KCNMB2: variants seen among roughly 807,000 people sequenced by gnomAD.
The protein encoded by KCNMB2 is calcium-activated potassium channel subunit beta-2.
A neutral mutation model predicts 24.5 loss-of-function variants in KCNMB2; 9 were observed. That is an observed-to-expected ratio of 0.37 (90% CI 0.22 to 0.64). The LOEUF is 0.64. Among genes scored for constraint, KCNMB2 ranks in the 30% least tolerant of loss-of-function variants. The pLI is 0.63. For synonymous variants in KCNMB2, 109 were observed against 104.4 expected, an observed-to-expected ratio of 1.04 and a Z score of -0.27; for missense variants, 226 against 284.3, an observed-to-expected ratio of 0.79 and a Z score of 1.47.
chr3:178,767,519 C>T (rs1233533635), intron 1 of KCNMB2, among the ~76,000 whole-genome samples: 1 of 152,096 alleles, frequency 6.6e-6, no homozygotes, highest in Non-Finnish European at 1.5e-5. Context: ...TCTCTAGAGC[C>T]CACATAAATC....
At chr3:178,810,902 C>CT (rs56925343) in intron 2 of KCNMB2, among the ~76,000 whole-genome samples, 1,299 of 107,976 alleles carry the variant, frequency 0.012, 13 homozygotes, top group Non-Finnish European at 0.015. Context: ...ACCTGGCTAA[C>CT]TTTTTTTTTT....
At chr3:178,631,974 G>A (rs569640921) in intron 1 of KCNMB2, among the ~76,000 whole-genome samples, 1 of 152,278 alleles carries the variant, frequency 6.6e-6, no homozygotes, top group East Asian at 1.9e-4. Context: ...AGAAATATGG[G>A]TTATTTAATT....
At chr3:178,676,258 T>C (rs554648197) in intron 1 of KCNMB2, among the ~76,000 whole-genome samples, 1 of 152,240 alleles carries the variant, frequency 6.6e-6, no homozygotes, top group African/African-American at 2.4e-5. Context: ...CACCAGAGCA[T>C]GAGTGACAAG....
chr3:178,803,792 C>A (rs1280334120), intron 1 of KCNMB2, among the ~76,000 whole-genome samples: 1 of 152,140 alleles, frequency 6.6e-6, no homozygotes, highest in Non-Finnish European at 1.5e-5. Flanking sequence ...GTAACTCATT[C>A]ACCATGAAGG....
intron 1 of KCNMB2, among the ~76,000 whole-genome samples, chr3:178,651,250 T>C (rs1257525196): frequency 2.6e-5 from 4 of 152,156 alleles, no homozygotes; most frequent in Admixed American, 6.5e-5. Flanking sequence ...ACAAAATCAA[T>C]GTGCAAAAAT....
chr3:178,553,823 A>G (rs1374520847), intron 1 of KCNMB2, among the ~76,000 whole-genome samples: 1 of 152,130 alleles, frequency 6.6e-6, no homozygotes, highest in Non-Finnish European at 1.5e-5. Flanking sequence ...TACAGGTTTG[A>G]GCCACCGCAC....
chr3:178,762,642 G>C (rs942390893), intron 1 of KCNMB2, among the ~76,000 whole-genome samples: 3 of 152,092 alleles, frequency 2.0e-5, no homozygotes, highest in African/African-American at 7.2e-5. Flanking sequence ...ATCCAGATGA[G>C]AGAAAGGTTG....
At position 178,839,447 on chromosome 3, in the gene KCNMB2, G is replaced by T. The variant is rs182099382; in HGVS notation, c.424-3206G>T. The stretch of plus-strand genomic sequence containing the variant: ...AAAGCCAGGTGGGGGTTGAGGGAAG[G>T]GCAAGGAAGGAGGAGATACAAAAGA... On this transcript the variant is annotated intron_variant, in intron 4 of 4. Transcript: ENST00000452583. Among the ~76,000 whole-genome samples, 9 of 152,194 alleles carry T rather than the reference G, an allele frequency of 5.9e-5. No individual in the cohort carries two copies. In the East Asian group the frequency reaches 1.7e-3, roughly 29 times the overall value.
intron 1 of KCNMB2, among the ~76,000 whole-genome samples, chr3:178,737,926 T>C (rs961994941): frequency 2.0e-5 from 3 of 152,184 alleles, no homozygotes; most frequent in African/African-American, 7.2e-5. Context: ...CTAACAACAC[T>C]GGTATTTAGC....
chr3:178,781,784 C>CT (rs1212393898), intron 1 of KCNMB2, among the ~76,000 whole-genome samples: 43 of 147,148 alleles, frequency 2.9e-4, no homozygotes, highest in African/African-American at 6.5e-4. Flanking sequence ...CATGAAACCG[C>CT]TTTTTTTTTT....
intron 1 of KCNMB2, among the ~76,000 whole-genome samples, chr3:178,566,571 T>A (rs1205453587): frequency 7.3e-6 from 1 of 136,548 alleles, no homozygotes; most frequent in African/African-American, 3.0e-5. Context: ...AGCCATTACA[T>A]CCTGTCTCCT....
chr3:178,598,288 C>T (rs73054330), intron 1 of KCNMB2, among the ~76,000 whole-genome samples: 1,897 of 152,188 alleles, frequency 0.012, 50 homozygotes, highest in African/African-American at 0.042. Flanking sequence ...AGCGACATAG[C>T]GCCACTTTTC....
intron 1 of KCNMB2, among the ~76,000 whole-genome samples, chr3:178,584,657 C>T (rs143723214): frequency 9.7e-4 from 147 of 151,720 alleles, no homozygotes; most frequent in African/African-American, 3.1e-3. Flanking sequence ...AAAAATAAAG[C>T]CTATTTTTTG....
chr3:178,540,066 C>T (rs183005440), intron 1 of KCNMB2, among the ~76,000 whole-genome samples: 38 of 152,288 alleles, frequency 2.5e-4, no homozygotes. Flanking sequence ...GCATCTCACA[C>T]AGGATATGTT....
Position 178,759,872 on chromosome 3 carries a change from ATC to A in KCNMB2, c.-67-47469_-67-47468del, listed in dbSNP as rs1348610489. 1.1e-3 allele frequency among the ~76,000 whole-genome samples: 22 copies of A among 19,986 alleles called. 2 individuals carry two copies. Among genetic ancestry groups the A allele is most frequent in the African/African-American group, 2.0e-3 (7 of 3,530 alleles). The allele number at this position is 19,986 out of a possible 152,430, so 13.1% of individuals were successfully genotyped here. ...TATATATATATATCCAAGAGGATAT[ATC>A]TATATATATATATATATCCAAGAGG... is the stretch of plus-strand genomic sequence containing the variant. On this transcript the variant is annotated intron_variant, in intron 1 of 4. Coordinates refer to ENST00000452583, the MANE Select transcript of KCNMB2 (RefSeq NM_181361.3).
At chr3:178,543,347 T>G (rs553895627) in intron 1 of KCNMB2, among the ~76,000 whole-genome samples, 2 of 152,234 alleles carry the variant, frequency 1.3e-5, no homozygotes, top group Non-Finnish European at 2.9e-5. Flanking sequence ...CCCAGTACCT[T>G]GTCAGACTTC....
rs1206637263 is a variant in KCNMB2, at chr3:178,719,256, TA to T, written c.-67-88084del. On this transcript the variant is annotated intron_variant, in intron 1 of 4. Coordinates refer to ENST00000452583, the MANE Select transcript of KCNMB2 (RefSeq NM_181361.3). Reference sequence around the variant, plus strand: ...GAGGCTGGCATTGTTCCAAGTAGACTAAAGTTGGGCTTTCCTCTTATTACAG... The same window carrying T: ...GAGGCTGGCATTGTTCCAAGTAGACTAAGTTGGGCTTTCCTCTTATTACAG... Among the ~76,000 whole-genome samples the T allele has an allele frequency of 2.0e-5, 3 of 152,348 alleles. 1 individual carries two copies. The Middle Eastern group carries it at 0.01, about 518-fold the overall frequency.
chr3:178,784,832 G>A (rs1475472689), intron 1 of KCNMB2, among the ~76,000 whole-genome samples: 3 of 134,268 alleles, frequency 2.2e-5, no homozygotes, highest in African/African-American at 8.3e-5. Context: ...GTCTTTTGTT[G>A]TTGGATCCAT....
intron 2 of KCNMB2, among the ~76,000 whole-genome samples, chr3:178,823,398 G>C (rs952907212): frequency 3.9e-5 from 6 of 152,138 alleles, no homozygotes; most frequent in Non-Finnish European, 8.8e-5. Flanking sequence ...AGACAAGGCC[G>C]TGAAATGATG....
Sources: gnomAD v4.1 joint callset for allele counts (sites outside exome capture counted in the v4.1 genomes callset) on GRCh38, gnomAD v4.1.1 for gene constraint, MANE v1.5 for transcripts, NCBI Gene and HGNC (gene_info 2026-07-23, HGNC 2026-07-21) for gene names.